The following IL18 variants were observed in gnomAD, a reference collection of about 807,000 sequenced individuals.
IL18 encodes interleukin-18.
Under a neutral mutation model 14.2 loss-of-function variants are expected in IL18, and 8 were observed. That is an observed-to-expected ratio of 0.56 (90% CI 0.33 to 1.01). IL18 has a LOEUF of 1.01. Ranked by LOEUF, IL18 falls within the 50% of genes least tolerant of loss-of-function variation. The pLI is 0.03. For missense variants in IL18, 166 were observed against 231.1 expected, an observed-to-expected ratio of 0.72 and a Z score of 1.83; for synonymous variants, 67 against 71.0, an observed-to-expected ratio of 0.94 and a Z score of 0.28.
At position 112,158,760 on chromosome 11, in the gene IL18, T is replaced by C. The variant is rs1866578805; in HGVS notation, c.-8-3699A>G. 2.0e-5 allele frequency among the ~76,000 whole-genome samples: 3 copies of C among 152,298 alleles called. No individual in the cohort carries two copies. The East Asian group carries it at 5.8e-4, about 29-fold the overall frequency. ...TTAACAGTTTATAACTCATTTGACC[T>C]GACAGCTTTGAAATTATGTCATTCT... On this transcript the variant is annotated intron_variant, in intron 1 of 5. Transcript: ENST00000280357.
At chr11:112,154,672 A>G (rs1261115024) in intron 2 of IL18, among the ~76,000 whole-genome samples, 1 of 152,220 alleles carries the variant, frequency 6.6e-6, no homozygotes, top group Non-Finnish European at 1.5e-5. Context: ...GATTTTTCCC[A>G]TGGAAATCCA....
At chr11:112,152,260 T>C (rs1866453502) in intron 3 of IL18, among the ~76,000 whole-genome samples, 1 of 152,204 alleles carries the variant, frequency 6.6e-6, no homozygotes, top group Non-Finnish European at 1.5e-5. Context: ...TTTCTTCTCC[T>C]TTCCAAATCC....
intron 4 of IL18, among the ~76,000 whole-genome samples, chr11:112,149,240 C>T (rs360732): frequency 4.6e-5 from 7 of 151,576 alleles, no homozygotes; most frequent in African/African-American, 9.7e-5. Context: ...TGTAGTGAGC[C>T]GAGATCACAC....
At chr11:112,144,544 G>C (rs1866303785) in intron 5 of IL18, among the ~76,000 whole-genome samples, 1 of 152,186 alleles carries the variant, frequency 6.6e-6, no homozygotes, top group Non-Finnish European at 1.5e-5. Context: ...ACCATGCCTG[G>C]CCTGGCCAGT....
At chr11:112,152,734 G>A (rs995305191) in intron 3 of IL18, among the ~76,000 whole-genome samples, 4 of 152,158 alleles carry the variant, frequency 2.6e-5, no homozygotes, top group Non-Finnish European at 5.9e-5. Flanking sequence ...ACAACTAGGG[G>A]ATGATGGGTA....
At chr11:112,153,499 A>ATT in intron 3 of IL18, 93 bp downstream of exon 3, 155 of 656,584 alleles carry the variant, frequency 2.4e-4, no homozygotes, top group South Asian at 4.3e-4. Flanking sequence ...CATGAGAACC[A>ATT]TTTTTTTTTT....
At chr11:112,155,173 A>T in intron 1 of IL18, 112 bp from the exon 2 acceptor site, 1 of 562,018 alleles carries the variant, frequency 1.8e-6, no homozygotes, top group Admixed American at 3.1e-5. Flanking sequence ...ACTGATGAAC[A>T]ATCTTGACAT....
At chr11:112,151,063 G>A (rs1866430088) in intron 3 of IL18, 1 of 151,994 alleles carries the variant, frequency 6.6e-6, no homozygotes, top group Non-Finnish European at 1.5e-5. Context: ...TCTACCTCCT[G>A]GGTTTTATCC....
chr11:112,162,552 C>A (rs1866650709), intron 1 of IL18, among the ~76,000 whole-genome samples: 2 of 151,876 alleles, frequency 1.3e-5, no homozygotes, highest in Non-Finnish European at 2.9e-5. Context: ...GCCATGTTGC[C>A]CAGGCTGGTC....
chr11:112,147,804 A>G (rs981113865), intron 5 of IL18, among the ~76,000 whole-genome samples: 2 of 152,166 alleles, frequency 1.3e-5, no homozygotes, highest in South Asian at 2.1e-4. Flanking sequence ...TTTATTGGCA[A>G]ATCTCCACTC....
intron 1 of IL18, among the ~76,000 whole-genome samples, chr11:112,160,318 T>TG (rs1305143744): frequency 6.6e-6 from 1 of 150,886 alleles, no homozygotes; most frequent in Non-Finnish European, 1.5e-5. Context: ...CTGCCTTTTT[T>TG]TTTTTTTTGC....
chr11:112,149,930 TA>T, intron 4 of IL18, 141 bp downstream of exon 4: 1 of 805,058 alleles, frequency 1.2e-6, no homozygotes, highest in Non-Finnish European at 2.0e-6. Context: ...GGATGCCTTA[TA>T]AAGTTTCCTG....
chr11:112,156,691 T>A (rs1299903994), intron 1 of IL18, among the ~76,000 whole-genome samples: 1 of 152,208 alleles, frequency 6.6e-6, no homozygotes, highest in East Asian at 1.9e-4. Flanking sequence ...ATGGTTTGCC[T>A]GACTTGGCCT....
chr11:112,162,997 C>T (rs914975882), intron 1 of IL18, among the ~76,000 whole-genome samples: 5 of 152,064 alleles, frequency 3.3e-5, no homozygotes, highest in African/African-American at 4.8e-5. Flanking sequence ...GTCTCAAATT[C>T]CTGGGCTCAG....
intron 1 of IL18, among the ~76,000 whole-genome samples, chr11:112,155,852 T>C (rs557882742): frequency 3.3e-4 from 50 of 152,156 alleles, no homozygotes; most frequent in Non-Finnish European, 5.3e-4. Context: ...AAAATACACA[T>C]GTATTTTCAC....
chr11:112,155,084 T>C (rs753178388), intron 1 of IL18, 23 bp from the exon 2 acceptor site: 1 of 1,469,224 alleles, frequency 6.8e-7, no homozygotes, highest in South Asian at 1.1e-5. Flanking sequence ...AAGAGCCATC[T>C]GTTAAGAGAC....
intron 5 of IL18, 76 bp downstream of exon 5, chr11:112,148,527 A>T: frequency 6.5e-6 from 5 of 772,042 alleles, no homozygotes; most frequent in Non-Finnish European, 9.3e-6. Context: ...TTATATTAAC[A>T]TTAGAAATAA....
At chr11:112,154,433 G>A (rs1866497778) in intron 2 of IL18, among the ~76,000 whole-genome samples, 1 of 151,882 alleles carries the variant, frequency 6.6e-6, no homozygotes, top group South Asian at 2.1e-4. Context: ...GGCTGAGGCA[G>A]GAGAATTGCT....
intron 3 of IL18, chr11:112,150,446 G>A (rs373235801): frequency 5.4e-5 from 20 of 373,690 alleles, no homozygotes; most frequent in African/African-American, 3.5e-4. Context: ...CTTTCTGACC[G>A]GTCTCTTACC....
Sources: gnomAD v4.1 joint callset for allele counts (sites outside exome capture counted in the v4.1 genomes callset) on GRCh38, gnomAD v4.1.1 for gene constraint, MANE v1.5 for transcripts, NCBI Gene and HGNC (gene_info 2026-07-23, HGNC 2026-07-21) for gene names.